PCDHA4: variants seen among roughly 807,000 people sequenced by gnomAD.
PCDHA4 encodes the protein protocadherin alpha-4.
PCDHA4 carries 49 observed loss-of-function variants against 61.4 expected under a neutral mutation model. That is an observed-to-expected ratio of 0.80 (90% CI 0.63 to 1.01). The LOEUF (loss-of-function observed/expected upper bound fraction) is 1.01, where lower values mean the gene tolerates loss of function less well. Ranked by LOEUF, PCDHA4 falls within the 50% of genes least tolerant of loss-of-function variation. The probability of loss-of-function intolerance (pLI) is 0.00; values close to 1 mark genes in which losing one functional copy is unlikely to be tolerated. For missense variants in PCDHA4, 1,254 were observed against 1,235.8 expected, an observed-to-expected ratio of 1.01 and a Z score of -0.22; for synonymous variants, 590 against 550.3, an observed-to-expected ratio of 1.07 and a Z score of -1.01.
intron 1 of PCDHA4, chr5:140,870,758 T>C: frequency 1.2e-6 from 2 of 1,613,530 alleles, no homozygotes; most frequent in African/African-American, 2.7e-5. Flanking sequence ...ACGCTGCAGG[T>C]GTTCGTGCTG....
At position 140,808,439 on chromosome 5, in the gene PCDHA4, G is replaced by A. The variant is rs372913069; in HGVS notation, c.1252G>A (p.Val418Met). The change falls in exon 1 of 4, where the codon GTG (valine) becomes ATG (methionine). Residue 418 changes from valine to methionine, a missense_variant. Transcript: ENST00000530339. ...GGACAGTGCCCTGGACCGCGAGAGC[G>A]TGTCAGCCTATGAGCTGGTGGTGAC... The part of the protein sequence containing the change: ...VLDSALDRES[V>M]SAYELVVTAR... The A allele has an allele frequency of 4.3e-6, 7 of 1,614,184 alleles. No individual in the cohort carries two copies. In the African/African-American group the frequency reaches 5.3e-5, roughly 12 times the overall value.
rs2098421039 is a variant in PCDHA4, at chr5:141,011,549, G to GA, written c.*1615dup. 1 of 153,674 alleles carries GA rather than the reference G, an allele frequency of 6.5e-6. No individual in the cohort carries two copies. The highest frequency in any genetic ancestry group is 1.5e-5 in the Non-Finnish European group (1 of 68,008). The allele number at this position is 153,674 out of a possible 1,614,324, so 9.5% of individuals were successfully genotyped here. A position where few individuals can be genotyped will look rare whatever the true frequency, so the allele number is the denominator to read the frequency against. Reference sequence around the variant, plus strand: ...CCATTGTTAATCAGCTTTTGTGTATGAAAGACACAGTAAAATTTCTTTCTT... The same window carrying GA: ...CCATTGTTAATCAGCTTTTGTGTATGAAAAGACACAGTAAAATTTCTTTCTT... On this transcript the variant is annotated 3_prime_UTR_variant, in exon 4 of 4. Coordinates refer to ENST00000530339, the MANE Select transcript of PCDHA4 (RefSeq NM_018907.4).
At chr5:140,830,211 T>C (rs2150182802) in intron 1 of PCDHA4, 1 of 1,613,792 alleles carries the variant, frequency 6.2e-7, no homozygotes, top group South Asian at 1.1e-5. Flanking sequence ...ATCTGCGCGG[T>C]ATCCAGCCTG....
intron 1 of PCDHA4, chr5:140,968,133 A>G (rs782213191): frequency 1.5e-5 from 24 of 1,614,022 alleles, no homozygotes; most frequent in Middle Eastern, 3.3e-4. Flanking sequence ...CGTACACTGA[A>G]GGTTGAGATC....
intron 3 of PCDHA4, among the ~76,000 whole-genome samples, chr5:140,987,875 G>A (rs1293461683): frequency 6.6e-6 from 1 of 152,008 alleles, no homozygotes; most frequent in Non-Finnish European, 1.5e-5. Flanking sequence ...GTGGAAAATG[G>A]ACAGTTTATG....
chr5:140,850,349 G>A (rs2150480668), intron 1 of PCDHA4: 3 of 1,597,844 alleles, frequency 1.9e-6, no homozygotes, highest in Non-Finnish European at 1.7e-6. Flanking sequence ...CGGCCAGCGC[G>A]AGCATCCCGT....
At chr5:140,978,873 A>G in intron 1 of PCDHA4, 76 bp from the exon 2 acceptor site, 2 of 1,608,618 alleles carry the variant, frequency 1.2e-6, no homozygotes, top group Non-Finnish European at 1.7e-6. Flanking sequence ...TAAGGGAGTA[A>G]CTAATCAATT....
chr5:140,939,551 G>A (rs2092410878), intron 1 of PCDHA4, among the ~76,000 whole-genome samples: 1 of 151,156 alleles, frequency 6.6e-6, no homozygotes, highest in African/African-American at 2.5e-5. Flanking sequence ...ATTTCTTGTT[G>A]TATTAGTTTG....
At chr5:140,928,032 TAGTGC>T (rs782031018) in intron 1 of PCDHA4, 7 of 1,614,216 alleles carry the variant, frequency 4.3e-6, no homozygotes, top group Non-Finnish European at 5.9e-6. Context: ...GTGGCATGTC[TAGTGC>T]AGGCCCTTTT....
At chr5:140,834,495 G>A in intron 1 of PCDHA4, 1 of 1,614,142 alleles carries the variant, frequency 6.2e-7, no homozygotes, top group Non-Finnish European at 8.5e-7. Context: ...GGTCCCCGAG[G>A]AGGCTAAACA....
At chr5:140,850,428 C>T (rs2150483973) in intron 1 of PCDHA4, 1 of 1,597,938 alleles carries the variant, frequency 6.3e-7, no homozygotes, top group Admixed American at 1.7e-5. Context: ...CGCACCGCGC[C>T]AGCGCCTACT....
intron 3 of PCDHA4, among the ~76,000 whole-genome samples, chr5:141,000,999 A>G (rs1315543518): frequency 6.6e-6 from 1 of 152,234 alleles, no homozygotes; most frequent in Non-Finnish European, 1.5e-5. Context: ...TATGCTTTAA[A>G]TATGTATTTA....
intron 1 of PCDHA4, chr5:140,829,672 G>T: frequency 6.2e-7 from 1 of 1,613,008 alleles, no homozygotes; most frequent in South Asian, 1.1e-5. Context: ...ACCACGAGGA[G>T]CTAGAGCTGC....
At chr5:140,836,109 G>T (rs2150253080) in intron 1 of PCDHA4, 6 of 1,613,610 alleles carry the variant, frequency 3.7e-6, no homozygotes, top group Non-Finnish European at 5.1e-6. Context: ...CACTGGTGGC[G>T]CAGTGAGAGA....
rs201501759 is a variant in PCDHA4 at position 140,978,957 on chromosome 5, G to A, written c.2394G>A (p.Gln798=). The stretch of plus-strand genomic sequence containing the variant: ...TCTTTGTGATTTTGCAGCCACGACA[G>A]CCCAACCCTGACTGGCGTTACTCTG... ...TTEESFAKPR[Q]PNPDWRYSAS... is the part of the protein sequence containing the mutation. Residue 798 remains glutamine, a synonymous_variant, in exon 2 of 4, where the codon CAG becomes CAA. Coordinates refer to ENST00000530339, the MANE Select transcript of PCDHA4 (RefSeq NM_018907.4). 56 of 1,614,040 alleles carry A rather than the reference G, an allele frequency of 3.5e-5. No individual in the cohort carries two copies. In the East Asian group the frequency reaches 1.1e-3, roughly 32 times the overall value.
In PCDHA4 at chr5:140,809,261, G is replaced by A; in HGVS notation, c.2074G>A (p.Ala692Thr). The A allele has an allele frequency of 1.2e-6, 2 of 1,614,110 alleles. No homozygotes were observed. The highest frequency in any genetic ancestry group is 1.1e-5 in the South Asian group (1 of 91,088). Residue 692 changes from alanine to threonine, a missense_variant, in exon 1 of 4, where the codon GCG becomes ACG. By Grantham distance (58) the Ala-to-Thr change is moderately conservative. Coordinates refer to ENST00000530339, the MANE Select transcript of PCDHA4 (RefSeq NM_018907.4). ...ALVGAVGPDA[A>T]LVDVNVYLII... ...GGTGGGCGCTGTGGGTCCCGATGCT[G>A]CGCTGGTGGATGTCAACGTATACCT...
At chr5:140,875,820 T>C (rs2055843364) in intron 1 of PCDHA4, 1 of 1,613,978 alleles carries the variant, frequency 6.2e-7, no homozygotes, top group African/African-American at 1.3e-5. Flanking sequence ...CGCTGCAGGT[T>C]TTCCATGTGG....
intron 1 of PCDHA4, chr5:140,841,170 T>G: frequency 1.0e-6 from 1 of 982,276 alleles, no homozygotes; most frequent in Non-Finnish European, 1.5e-6. Context: ...AAGTTCTGGT[T>G]GGTCAATGTT....
At chr5:140,824,639 T>TTTTTTTTTTTTTTTTTTTGTTTG (rs1554130016) in intron 1 of PCDHA4, 1 of 136,788 alleles carries the variant, frequency 7.3e-6, no homozygotes. Flanking sequence ...TTTTATTTTC[T>TTTTTTTTTTTTTTTTTTTGTTTG]GTAGAGATAG....
Sources: allele counts gnomAD v4.1 joint callset (sites outside exome capture counted in the v4.1 genomes callset), GRCh38; gene constraint gnomAD v4.1.1; transcripts MANE v1.5; gene names NCBI Gene and HGNC (gene_info 2026-07-23, HGNC 2026-07-21).